UBLCP1: variants seen among roughly 807,000 people sequenced by gnomAD.
The protein encoded by UBLCP1 is ubiquitin-like domain-containing CTD phosphatase 1.
Under a neutral mutation model 42.4 loss-of-function variants are expected in UBLCP1, and 28 were observed. The observed-to-expected ratio is 0.66, with a 90% confidence interval of 0.49 to 0.90. UBLCP1 has a LOEUF of 0.90. UBLCP1 is among the 40% of genes least tolerant of loss of function. The probability of loss-of-function intolerance (pLI) is 0.00; values close to 1 mark genes in which losing one functional copy is unlikely to be tolerated. For synonymous variants in UBLCP1, 122 were observed against 120.8 expected (o/e 1.01, Z -0.07); for missense variants, 279 against 374.5 (o/e 0.75, Z 2.10).
At chr5:159,273,680 TATG>T (rs1218049589) in intron 6 of UBLCP1, among the ~76,000 whole-genome samples, 12 of 152,182 alleles carry the variant, frequency 7.9e-5, no homozygotes, top group Non-Finnish European at 1.8e-4. Context: ...TTTTCTATCT[TATG>T]ATTATTTTCA....
rs559051558 is a variant in UBLCP1, at chr5:159,271,249, T to C, written c.448+606T>C. 8.6e-5 allele frequency among the ~76,000 whole-genome samples: 13 copies of C among 151,872 alleles called. No homozygotes were observed. In the South Asian group the frequency reaches 2.5e-3, roughly 29 times the overall value. The stretch of plus-strand genomic sequence containing the variant: ...GCTGAGGTGGGAGGATTGCTTGAGC[T>C]CAGGAGTTGGAAATCAACCTGGGCA... On this transcript the variant is annotated intron_variant, in intron 5 of 10. Coordinates refer to ENST00000296786, the MANE Select transcript of UBLCP1 (RefSeq NM_145049.5).
intron 1 of UBLCP1, among the ~76,000 whole-genome samples, chr5:159,268,153 A>G (rs886262443): frequency 6.6e-6 from 1 of 151,500 alleles, no homozygotes; most frequent in Non-Finnish European, 1.5e-5. Flanking sequence ...CTCTAATGAG[A>G]TTGTGTAAAA....
chr5:159,279,761 C>G (rs994135699), intron 9 of UBLCP1, among the ~76,000 whole-genome samples: 1 of 152,084 alleles, frequency 6.6e-6, no homozygotes, highest in Admixed American at 6.5e-5. Flanking sequence ...ATGTACTGCA[C>G]CAGGTAAAGG....
chr5:159,280,429 A>G (rs963530958), intron 9 of UBLCP1, among the ~76,000 whole-genome samples: 1 of 152,062 alleles, frequency 6.6e-6, no homozygotes, highest in Admixed American at 6.6e-5. Flanking sequence ...CAGCCTCCCA[A>G]GTAACTGGGA....
Position 159,270,525 on chromosome 5 carries a change from T to C in UBLCP1, c.333-3T>C, listed in dbSNP as rs1273984751. Reference sequence around the variant, plus strand: ...TTTTATCTAATTATATGTTTTCCATTAGGGAAGAAAACCTACTGAAAATTT... The same window carrying C: ...TTTTATCTAATTATATGTTTTCCATCAGGGAAGAAAACCTACTGAAAATTT... On this transcript the variant is annotated splice_region_variant and splice_polypyrimidine_tract_variant and intron_variant, in intron 4 of 10. Transcript: ENST00000296786. The C allele has an allele frequency of 2.5e-6, 4 of 1,608,120 alleles. No homozygotes were observed. Among genetic ancestry groups the C allele is most frequent in the Non-Finnish European group, 3.4e-6 (4 of 1,177,284 alleles).
chr5:159,284,792 ACTC>A (rs1753650318), intron 10 of UBLCP1, 109 bp from the exon 11 acceptor site: 1 of 1,045,508 alleles, frequency 9.6e-7, no homozygotes, highest in Non-Finnish European at 1.5e-6. Context: ...TATTAAGAAT[ACTC>A]ATCTTGAAAT....
intron 9 of UBLCP1, among the ~76,000 whole-genome samples, chr5:159,282,942 G>A (rs1476609344): frequency 6.6e-6 from 1 of 152,074 alleles, no homozygotes; most frequent in Non-Finnish European, 1.5e-5. Flanking sequence ...TTGCAAAGTA[G>A]AGTAGCTGTG....
At position 159,278,511 on chromosome 5, in the gene UBLCP1, C is replaced by A. The variant is rs75324937; in HGVS notation, c.801+157C>A. Among the ~76,000 whole-genome samples the A allele has an allele frequency of 1.1e-3, 172 of 152,226 alleles. 1 individual carries two copies. In the East Asian group the frequency reaches 0.02, roughly 18 times the overall value. The stretch of plus-strand genomic sequence containing the variant: ...AAGAATAATTCATATAGAAATTGAA[C>A]TTTGTCTTTTTTGCATTGATGTCTC... On this transcript the variant is annotated intron_variant, in intron 9 of 10. Coordinates refer to ENST00000296786, the MANE Select transcript of UBLCP1 (RefSeq NM_145049.5).
chr5:159,271,060 C>A (rs4147384), intron 5 of UBLCP1, among the ~76,000 whole-genome samples: 65,426 of 151,300 alleles, frequency 0.43, 15,219 homozygotes, highest in Non-Finnish European at 0.51. Flanking sequence ...CATGTTATTC[C>A]CTGTTGATTA....
Position 159,272,006 on chromosome 5 carries a change from G to T in UBLCP1, c.449-17G>T. On this transcript the variant is annotated splice_polypyrimidine_tract_variant and intron_variant, in intron 5 of 10. Coordinates refer to ENST00000296786, the MANE Select transcript of UBLCP1 (RefSeq NM_145049.5). ...TGATGGTAAACTAATAATTATTTAT[G>T]ATCAATTTTCTTTTAGACCACAGGT... 6.4e-7 allele frequency: 1 copy of T among 1,568,210 alleles called. No homozygotes were observed. The highest frequency in any genetic ancestry group is 8.8e-7 in the Non-Finnish European group (1 of 1,139,820).
chr5:159,276,727 T>A (rs7708700), intron 8 of UBLCP1, among the ~76,000 whole-genome samples: 1 of 152,124 alleles, frequency 6.6e-6, no homozygotes, highest in African/African-American at 2.4e-5. Flanking sequence ...AGAACACTGT[T>A]GTAAGCCGTT....
intron 1 of UBLCP1, among the ~76,000 whole-genome samples, chr5:159,265,557 A>G (rs1360481432): frequency 1.3e-5 from 2 of 152,126 alleles, no homozygotes; most frequent in Admixed American, 6.5e-5. Flanking sequence ...CAAAATCTCA[A>G]CTTGAATTGT....
At position 159,283,308 on chromosome 5, in the gene UBLCP1, T is replaced by C. The variant is rs1293841485; in HGVS notation, c.898T>C (p.Phe300Leu). 6.3e-7 allele frequency: 1 copy of C among 1,598,954 alleles called. No homozygotes were observed. Reference sequence around the variant, plus strand: ...CAAGGAGATAGCAAAATTAGATGACTTTTTGGATCTAAATCACAAATATTG... The same window carrying C: ...CAAGGAGATAGCAAAATTAGATGACCTTTTGGATCTAAATCACAAATATTG... ...YLKEIAKLDD[F>L]LDLNHKYWER... Residue 300 changes from phenylalanine (F) to leucine (L), a missense_variant, in exon 10 of 11, where the codon TTT (phenylalanine) becomes CTT (leucine). Transcript: ENST00000296786.
Position 159,278,314 on chromosome 5 carries a change from T to C in UBLCP1, c.761T>C (p.Ile254Thr). Residue 254 changes from isoleucine to threonine, a missense_variant, in exon 9 of 11, where the codon ATA becomes ACA. Physicochemically the swap from Ile to Thr is moderately conservative, Grantham distance 89 (BLOSUM62 -1). Coordinates refer to ENST00000296786, the MANE Select transcript of UBLCP1 (RefSeq NM_145049.5). Reference protein sequence around the residue: ...SKKNTIMFDDIGRNFLMNPQN... With the variant: ...SKKNTIMFDDTGRNFLMNPQN... ...AAAAACACCATTATGTTTGATGACATAGGGAGAAATTTTCTAATGAACCCA... is the reference window on the plus strand; with the variant it reads ...AAAAACACCATTATGTTTGATGACACAGGGAGAAATTTTCTAATGAACCCA... 6.2e-7 allele frequency: 1 copy of C among 1,613,784 alleles called. No homozygotes were observed. Among genetic ancestry groups the C allele is most frequent in the Non-Finnish European group, 8.5e-7 (1 of 1,179,802 alleles).
chr5:159,270,677 T>A (rs1753453586), intron 5 of UBLCP1, 34 bp downstream of exon 5: 23 of 1,340,738 alleles, frequency 1.7e-5, no homozygotes, highest in Non-Finnish European at 1.9e-5. Flanking sequence ...CATTTTCTGT[T>A]ACCCACAACA....
rs79782768 is a variant in UBLCP1 at position 159,281,078 on chromosome 5, C to T, written c.802-2134C>T. On this transcript the variant is annotated intron_variant, in intron 9 of 10. Coordinates refer to ENST00000296786, the MANE Select transcript of UBLCP1 (RefSeq NM_145049.5). ...GTCAATTAGGTGCATAGATTTTCAC[C>T]CTTAATTTGTTTATTTAAAATTTTA... 2.8e-4 allele frequency among the ~76,000 whole-genome samples: 43 copies of T among 152,180 alleles called. 1 individual carries two copies. The East Asian group carries it at 6.4e-3, about 23-fold the overall frequency.
rs955402733 is a variant in UBLCP1, at chr5:159,274,568, C to G, written c.548-17C>G. The G allele has an allele frequency of 5.6e-6, 9 of 1,606,998 alleles. No individual in the cohort carries two copies. The highest frequency in any genetic ancestry group is 7.7e-6 in the Non-Finnish European group (9 of 1,176,098). Reference sequence around the variant, plus strand: ...AAGCTTTTCATATGTATTGTATTATCATTCCTCGTGTTTTAGCTGCAACAA... The same window carrying G: ...AAGCTTTTCATATGTATTGTATTATGATTCCTCGTGTTTTAGCTGCAACAA... On this transcript the variant is annotated splice_polypyrimidine_tract_variant and intron_variant, in intron 6 of 10. Coordinates refer to ENST00000296786, the MANE Select transcript of UBLCP1 (RefSeq NM_145049.5).
intron 9 of UBLCP1, among the ~76,000 whole-genome samples, chr5:159,279,515 C>G (rs1753581031): frequency 6.6e-6 from 1 of 151,664 alleles, no homozygotes; most frequent in African/African-American, 2.4e-5. Context: ...TTTCTACTAG[C>G]TGGGTCCTTG....
rs1753671820 is a variant in UBLCP1, at chr5:159,285,734, G to T, written c.*803G>T. On this transcript the variant is annotated 3_prime_UTR_variant, in exon 11 of 11. Transcript: ENST00000296786. ...AGTTAAAGGCAATAAATTTTTAAAA[G>T]GGACATATCACTGATTCATTCCTAA... The T allele has an allele frequency of 6.6e-6, 1 of 152,500 alleles. No individual in the cohort carries two copies. The highest frequency in any genetic ancestry group is 6.6e-5 in the Admixed American group (1 of 15,260). The allele number at this position is 152,500 out of a possible 1,614,324, so 9.4% of individuals were successfully genotyped here.
Sources: allele counts gnomAD v4.1 joint callset (sites outside exome capture counted in the v4.1 genomes callset), GRCh38; gene constraint gnomAD v4.1.1; transcripts MANE v1.5; gene names NCBI Gene and HGNC (gene_info 2026-07-23, HGNC 2026-07-21).